The following CCDC91 variants were observed in gnomAD, a reference collection of about 807,000 sequenced individuals.
CCDC91 encodes the protein coiled-coil domain-containing protein 91.
CCDC91 carries 48 observed loss-of-function variants against 63.2 expected under a neutral mutation model. The observed-to-expected ratio is 0.76, with a 90% CI of 0.60 to 0.97. The LOEUF is 0.97. CCDC91 is among the 50% of genes least tolerant of loss of function. The pLI, the probability that CCDC91 is intolerant of heterozygous loss-of-function variation, is 0.00. For synonymous variants in CCDC91, 167 were observed against 165.8 expected (o/e 1.01, Z -0.06); for missense variants, 500 against 494.6 (o/e 1.01, Z -0.10).
At chr12:28,442,079 T>G (rs1949255202) in intron 8 of CCDC91, among the ~76,000 whole-genome samples, 1 of 152,076 alleles carries the variant, frequency 6.6e-6, no homozygotes, top group African/African-American at 2.4e-5. Context: ...AGAGTTCCAT[T>G]ATTCTATTTT....
intron 6 of CCDC91, among the ~76,000 whole-genome samples, chr12:28,351,508 C>T (rs1221137210): frequency 1.3e-5 from 2 of 152,176 alleles, no homozygotes; most frequent in Non-Finnish European, 2.9e-5. Context: ...TGCTCCAGGT[C>T]AGTTGCCCTC....
At chr12:28,431,232 T>C (rs1333678043) in intron 8 of CCDC91, among the ~76,000 whole-genome samples, 1 of 152,152 alleles carries the variant, frequency 6.6e-6, no homozygotes, top group East Asian at 1.9e-4. Context: ...TAGTGTTTCC[T>C]ATGTATCTAT....
chr12:28,239,796 T>A (rs1565656260), intron 1 of CCDC91, among the ~76,000 whole-genome samples: 1 of 152,110 alleles, frequency 6.6e-6, no homozygotes, highest in Non-Finnish European at 1.5e-5. Context: ...GAACTTATAA[T>A]TGCATGTAGA....
chr12:28,336,058 C>CT (rs397686785), intron 6 of CCDC91, among the ~76,000 whole-genome samples: 77,795 of 148,186 alleles, frequency 0.52, 20,839 homozygotes, highest in African/African-American at 0.68. Context: ...ATTTGAACTA[C>CT]TTTTTTTTTT....
chr12:28,241,184 T>C (rs1421083210), intron 1 of CCDC91, among the ~76,000 whole-genome samples: 74 of 152,198 alleles, frequency 4.9e-4, no homozygotes, highest in Non-Finnish European at 1.2e-4. Context: ...GCTATCCCCT[T>C]TGTATATCTT....
At chr12:28,269,422 C>T (rs1947588825) in intron 3 of CCDC91, among the ~76,000 whole-genome samples, 1 of 152,050 alleles carries the variant, frequency 6.6e-6, no homozygotes, top group South Asian at 2.1e-4. Context: ...TTCATTCAAA[C>T]CAGGGATGTT....
intron 3 of CCDC91, among the ~76,000 whole-genome samples, chr12:28,270,054 A>C (rs554088701): frequency 1.2e-4 from 18 of 152,148 alleles, no homozygotes; most frequent in African/African-American, 4.1e-4. Flanking sequence ...ATGTTTAATA[A>C]TGATTTAATA....
chr12:28,400,260 G>T (rs1946535164), intron 8 of CCDC91, among the ~76,000 whole-genome samples: 2 of 152,296 alleles, frequency 1.3e-5, no homozygotes, highest in Non-Finnish European at 1.5e-5. Flanking sequence ...GCAATAGCAT[G>T]AGCTGTACGT....
intron 1 of CCDC91, among the ~76,000 whole-genome samples, chr12:28,222,770 C>T (rs556418060): frequency 6.6e-6 from 1 of 152,092 alleles, no homozygotes; most frequent in Non-Finnish European, 1.5e-5. Context: ...TAGGGCTTTT[C>T]ATCCTTGGCA....
intron 6 of CCDC91, among the ~76,000 whole-genome samples, chr12:28,358,104 T>C (rs1365210820): frequency 1.3e-5 from 2 of 152,194 alleles, no homozygotes; most frequent in Non-Finnish European, 1.5e-5. Context: ...TATTATAGGA[T>C]AGTATTAAGG....
chr12:28,390,696 A>G (rs1199917963), intron 7 of CCDC91, among the ~76,000 whole-genome samples: 1 of 152,000 alleles, frequency 6.6e-6, no homozygotes, highest in Admixed American at 6.6e-5. Context: ...TTTTATGCGT[A>G]CTGCCTTGAG....
At position 28,450,226 on chromosome 12, in the gene CCDC91, T is replaced by C. The variant is rs1463351795; in HGVS notation, c.828T>C (p.Ala276=). 1.2e-6 allele frequency: 2 copies of C among 1,609,964 alleles called. No homozygotes were observed. Among genetic ancestry groups the C allele is most frequent in the East Asian group, 2.2e-5 (1 of 44,690 alleles). ...TGTTAAAAGAAAAAATAAAGGAAGC[T>C]TTGATTCAGCAATCTCAAGAACAGA... is the stretch of plus-strand genomic sequence containing the variant. ...KELLKEKIKE[A]LIQQSQEQKE... Residue 276 remains alanine, a synonymous_variant, in exon 9 of 13, where the codon GCT becomes GCC. Coordinates refer to ENST00000536442, the MANE Select transcript of CCDC91 (RefSeq NM_018318.5).
chr12:28,426,534 T>C (rs1948326667), intron 8 of CCDC91, among the ~76,000 whole-genome samples: 1 of 152,134 alleles, frequency 6.6e-6, no homozygotes, highest in East Asian at 1.9e-4. Context: ...AATTTTGCAC[T>C]AGATTTAGGA....
At chr12:28,240,441 T>C (rs973803620) in intron 1 of CCDC91, among the ~76,000 whole-genome samples, 2 of 152,170 alleles carry the variant, frequency 1.3e-5, no homozygotes, top group African/African-American at 4.8e-5. Flanking sequence ...TGGGAACACC[T>C]ATTCTTCTGT....
intron 12 of CCDC91, among the ~76,000 whole-genome samples, chr12:28,523,325 G>A (rs1940923772): frequency 6.6e-6 from 1 of 152,152 alleles, no homozygotes; most frequent in African/African-American, 2.4e-5. Flanking sequence ...TTACCATTAT[G>A]TAATGGCCTT....
intron 3 of CCDC91, among the ~76,000 whole-genome samples, chr12:28,269,458 A>G (rs1947590873): frequency 6.6e-6 from 1 of 152,086 alleles, no homozygotes; most frequent in Non-Finnish European, 1.5e-5. Context: ...TTCCTTGGTC[A>G]CTATCTCAGT....
At chr12:28,238,268 A>G (rs556089498) in intron 1 of CCDC91, among the ~76,000 whole-genome samples, 5 of 152,192 alleles carry the variant, frequency 3.3e-5, no homozygotes, top group Non-Finnish European at 7.3e-5. Context: ...AGCAAAAGAT[A>G]TGAAGAAGCC....
chr12:28,441,232 A>G (rs1949190417), intron 8 of CCDC91, among the ~76,000 whole-genome samples: 2 of 152,076 alleles, frequency 1.3e-5, no homozygotes, highest in Non-Finnish European at 2.9e-5. Context: ...GCTAAAATTT[A>G]ACAGACTGAA....
chr12:28,463,737 T>TA (rs537740223), intron 11 of CCDC91, among the ~76,000 whole-genome samples: 58 of 152,224 alleles, frequency 3.8e-4, no homozygotes, highest in Admixed American at 3.1e-3. Flanking sequence ...GGGGTAATAA[T>TA]AAAAATTGAC....
Sources: gnomAD v4.1 joint callset for allele counts (sites outside exome capture counted in the v4.1 genomes callset) on GRCh38, gnomAD v4.1.1 for gene constraint, MANE v1.5 for transcripts, NCBI Gene and HGNC (gene_info 2026-07-23, HGNC 2026-07-21) for gene names.